MYO18B: variants seen among roughly 807,000 people sequenced by gnomAD.
MYO18B encodes myosin XVIIIB.
MYO18B carries 204 observed loss-of-function variants against 273.0 expected under a neutral mutation model. That is an observed-to-expected ratio of 0.75 (90% CI 0.67 to 0.84). MYO18B has a LOEUF of 0.84. Ranked by LOEUF, MYO18B falls within the 40% of genes least tolerant of loss-of-function variation. The pLI, the probability that MYO18B is intolerant of heterozygous loss-of-function variation, is 0.00. For synonymous variants in MYO18B, 1,330 were observed against 1,305.7 expected (o/e 1.02, Z -0.40); for missense variants, 3,212 against 3,287.6 (o/e 0.98, Z 0.56).
chr22:25,829,713 C>T (rs1051354240), intron 15 of MYO18B, among the ~76,000 whole-genome samples: 2 of 152,108 alleles, frequency 1.3e-5, no homozygotes, highest in Non-Finnish European at 2.9e-5. Context: ...TGGCGCACGC[C>T]CATAATCCCA....
At chr22:26,003,581 T>C (rs1934169257) in intron 41 of MYO18B, among the ~76,000 whole-genome samples, 1 of 152,224 alleles carries the variant, frequency 6.6e-6, no homozygotes. Context: ...CTTTTTACAC[T>C]GATGTTTGTA....
At chr22:25,798,702 G>A (rs2088041874) in intron 12 of MYO18B, among the ~76,000 whole-genome samples, 2 of 152,098 alleles carry the variant, frequency 1.3e-5, no homozygotes, top group Admixed American at 1.3e-4. Flanking sequence ...TGGGACTACA[G>A]CTGTGCACCC....
chr22:25,867,555 AT>A (rs2090923257), intron 21 of MYO18B, among the ~76,000 whole-genome samples: 1 of 152,198 alleles, frequency 6.6e-6, no homozygotes, highest in Non-Finnish European at 1.5e-5. Flanking sequence ...TTGCTTCCAC[AT>A]TTTGGGTATT....
the MYO18B span, among the ~76,000 whole-genome samples, chr22:26,040,644 G>T: frequency 4.6e-5 from 7 of 152,304 alleles, no homozygotes; most frequent in African/African-American, 1.4e-4. Flanking sequence ...ATATATTTAA[G>T]TAAAGATCTG....
chr22:25,790,248 A>G (rs928767974), intron 11 of MYO18B, among the ~76,000 whole-genome samples: 1 of 152,238 alleles, frequency 6.6e-6, no homozygotes, highest in African/African-American at 2.4e-5. Flanking sequence ...CCTAATGTCC[A>G]TTTACATGGT....
chr22:26,015,831 G>A (rs559613444), intron 42 of MYO18B, among the ~76,000 whole-genome samples: 1 of 152,200 alleles, frequency 6.6e-6, no homozygotes, highest in East Asian at 1.9e-4. Flanking sequence ...TACACCTAGG[G>A]AAACACGAAC....
chr22:25,866,296 C>G (rs566228762), intron 21 of MYO18B, among the ~76,000 whole-genome samples: 1 of 152,256 alleles, frequency 6.6e-6, no homozygotes, highest in African/African-American at 2.4e-5. Flanking sequence ...TTGGCAGTCA[C>G]TAAGCAACCA....
chr22:25,965,237 G>A (rs1199499361), intron 39 of MYO18B, among the ~76,000 whole-genome samples: 2 of 152,172 alleles, frequency 1.3e-5, no homozygotes, highest in African/African-American at 4.8e-5. Flanking sequence ...TCCACCTTCG[G>A]GGGAAAAGTG....
chr22:26,016,522 C>G lies in MYO18B; in HGVS notation c.6471-9923C>G, dbSNP rs186895979. ...GTGGGTTTTGAATCTTGTTTTTCAGCCAGGAGAAGTGGATGTGACTGACCA... is the reference window on the plus strand; with the variant it reads ...GTGGGTTTTGAATCTTGTTTTTCAGGCAGGAGAAGTGGATGTGACTGACCA... On this transcript the variant is annotated intron_variant, in intron 42 of 43. Coordinates refer to ENST00000335473, the MANE Select transcript of MYO18B (RefSeq NM_032608.7). 9.8e-5 allele frequency among the ~76,000 whole-genome samples: 15 copies of G among 152,290 alleles called. No homozygotes were observed. In the East Asian group the frequency reaches 2.9e-3, roughly 29 times the overall value.
At chr22:25,867,619 A>ATTTT (rs1555917141) in intron 21 of MYO18B, among the ~76,000 whole-genome samples, 2 of 150,792 alleles carry the variant, frequency 1.3e-5, no homozygotes, top group East Asian at 3.9e-4. Flanking sequence ...CAAGACCCTG[A>ATTTT]TTTCTTTCTT....
intron 31 of MYO18B, among the ~76,000 whole-genome samples, chr22:25,905,476 G>A (rs2092023985): frequency 6.6e-6 from 1 of 152,166 alleles, no homozygotes; most frequent in South Asian, 2.1e-4. Flanking sequence ...TGTTGAACTT[G>A]AAGATCTGGT....
intron 36 of MYO18B, among the ~76,000 whole-genome samples, chr22:25,948,760 C>A (rs2092758345): frequency 1.3e-5 from 2 of 151,878 alleles, no homozygotes; most frequent in Non-Finnish European, 2.9e-5. Flanking sequence ...CATATGGTCA[C>A]CCAGAGCAGA....
At chr22:25,843,077 C>T (rs1033404298) in intron 17 of MYO18B, among the ~76,000 whole-genome samples, 2 of 152,236 alleles carry the variant, frequency 1.3e-5, no homozygotes, top group Non-Finnish European at 2.9e-5. Context: ...ATTTTACAGA[C>T]GAGGAAACTG....
At chr22:25,821,712 G>A (rs2089288529) in intron 12 of MYO18B, among the ~76,000 whole-genome samples, 1 of 152,176 alleles carries the variant, frequency 6.6e-6, no homozygotes, top group South Asian at 2.1e-4. Context: ...AGGAGGCGGA[G>A]CTTGCAGTGA....
intron 12 of MYO18B, among the ~76,000 whole-genome samples, chr22:25,819,597 G>A (rs540724802): frequency 1.8e-4 from 28 of 152,304 alleles, no homozygotes; most frequent in African/African-American, 6.7e-4. Context: ...ACATTATTGT[G>A]CTTGTGTAAT....
chr22:25,873,848 G>A (rs893650528), intron 22 of MYO18B, among the ~76,000 whole-genome samples: 1 of 152,178 alleles, frequency 6.6e-6, no homozygotes, highest in African/African-American at 2.4e-5. Context: ...GCCTTTCCTG[G>A]GGCCTGGGAA....
At chr22:25,799,011 C>T (rs1036174535) in intron 12 of MYO18B, among the ~76,000 whole-genome samples, 1 of 152,114 alleles carries the variant, frequency 6.6e-6, no homozygotes, top group Non-Finnish European at 1.5e-5. Flanking sequence ...CCTGCCATCC[C>T]CCTAGTTCTT....
intron 42 of MYO18B, among the ~76,000 whole-genome samples, chr22:26,014,022 T>A (rs1935114552): frequency 6.6e-6 from 1 of 152,218 alleles, no homozygotes; most frequent in African/African-American, 2.4e-5. Flanking sequence ...CAGTTTATAA[T>A]GTTTTCCTTT....
intron 35 of MYO18B, 148 bp downstream of exon 35, chr22:25,946,398 C>T (rs1024105993): frequency 3.6e-5 from 20 of 550,438 alleles, no homozygotes; most frequent in African/African-American, 3.3e-4. Context: ...TACAGACATC[C>T]ATTGTAGGCC....
Sources: gnomAD v4.1 joint callset for allele counts (sites outside exome capture counted in the v4.1 genomes callset) on GRCh38, gnomAD v4.1.1 for gene constraint, MANE v1.5 for transcripts, NCBI Gene and HGNC (gene_info 2026-07-23, HGNC 2026-07-21) for gene names.